STIMATE: variants seen among roughly 807,000 people sequenced by gnomAD.
STIMATE encodes the protein store-operated calcium entry regulator STIMATE.
In STIMATE, 15 loss-of-function variants were observed where a neutral mutation model predicts 36.7. That is an observed-to-expected ratio of 0.41 (90% CI 0.27 to 0.63). STIMATE has a LOEUF of 0.63. STIMATE is among the 20% of genes least tolerant of loss of function. The probability of loss-of-function intolerance (pLI) is 0.32; values close to 1 mark genes in which losing one functional copy is unlikely to be tolerated. For synonymous variants in STIMATE, 163 were observed against 162.3 expected (o/e 1.00, Z -0.03); for missense variants, 305 against 397.3 (o/e 0.77, Z 1.98).
At chr3:52,882,561 GCT>G (rs1701623247) in intron 1 of STIMATE, among the ~76,000 whole-genome samples, 2 of 152,286 alleles carry the variant, frequency 1.3e-5, no homozygotes, top group South Asian at 4.1e-4. Context: ...ACACGCTCAT[GCT>G]CTCTGTTGAC....
chr3:52,883,977 CTA>C (rs1701651033), intron 1 of STIMATE, among the ~76,000 whole-genome samples: 1 of 152,106 alleles, frequency 6.6e-6, no homozygotes, highest in Non-Finnish European at 1.5e-5. Context: ...TTGATTGGGG[CTA>C]TACATCATGA....
chr3:52,875,977 C>T (rs1032195536), intron 1 of STIMATE, among the ~76,000 whole-genome samples: 8 of 152,202 alleles, frequency 5.3e-5, no homozygotes, highest in African/African-American at 1.9e-4. Flanking sequence ...GACATGATCC[C>T]CAACAGCACC....
At chr3:52,876,172 T>C (rs933724476) in intron 1 of STIMATE, among the ~76,000 whole-genome samples, 2 of 152,214 alleles carry the variant, frequency 1.3e-5, no homozygotes, top group South Asian at 2.1e-4. Context: ...AGGAAGTGGA[T>C]AGAATCATCC....
intron 1 of STIMATE, among the ~76,000 whole-genome samples, chr3:52,871,371 G>A (rs1311033438): frequency 6.6e-6 from 1 of 152,058 alleles, no homozygotes; most frequent in Non-Finnish European, 1.5e-5. Context: ...GACTGCTCAC[G>A]ACAGTCAGCA....
At chr3:52,842,082 C>T (rs759015496) in intron 7 of STIMATE, among the ~76,000 whole-genome samples, 2 of 152,240 alleles carry the variant, frequency 1.3e-5, no homozygotes, top group South Asian at 2.1e-4. Flanking sequence ...GGTGTCATGA[C>T]GAAATACTTA....
At chr3:52,851,892 C>A (rs900905189) in intron 3 of STIMATE, among the ~76,000 whole-genome samples, 1 of 152,166 alleles carries the variant, frequency 6.6e-6, no homozygotes, top group East Asian at 1.9e-4. Flanking sequence ...GACTCCTGAG[C>A]GGTGTGAACT....
rs993957693 is a variant in STIMATE, at chr3:52,839,992, T to C, written c.*502A>G. 6.6e-6 allele frequency: 1 copy of C among 152,582 alleles called. No homozygotes were observed. Among genetic ancestry groups the C allele is most frequent in the Non-Finnish European group, 1.5e-5 (1 of 68,008 alleles). The allele number at this position is 152,582 out of a possible 1,614,324, so 9.5% of individuals were successfully genotyped here. On this transcript the variant is annotated 3_prime_UTR_variant, in exon 8 of 8. Transcript: ENST00000355083. ...ACTGTCACAACTCATAAAACCAGCT[T>C]CAGAAATCAATAGTTACAAAAGCCA...
At chr3:52,863,897 T>A (rs1297207060) in intron 1 of STIMATE, among the ~76,000 whole-genome samples, 1 of 152,274 alleles carries the variant, frequency 6.6e-6, no homozygotes, top group African/African-American at 2.4e-5. Flanking sequence ...CAGGTCATGC[T>A]GATTCAAGAG....
chr3:52,859,127 A>G (rs1279611373), intron 1 of STIMATE, among the ~76,000 whole-genome samples: 2 of 151,036 alleles, frequency 1.3e-5, no homozygotes, highest in South Asian at 2.1e-4. Flanking sequence ...GCACCACTGC[A>G]CTCCAGCCTG....
chr3:52,840,555 C>T lies in STIMATE; in HGVS notation c.824G>A (p.Arg275His), dbSNP rs200273687. ...CACAGGCTTGAGGGGGGTCAGTCTG[C>T]GGAGGTCCTCCTCCACGTCGGACTC... ...MEESDVEEDL[R>H]RLTPLKPVKK... The change falls in exon 8 of 8, where the codon CGC becomes CAC. Residue 275 changes from arginine (R) to histidine (H), a missense_variant. Transcript: ENST00000355083. 63 of 1,613,994 alleles carry T rather than the reference C, an allele frequency of 3.9e-5. No homozygotes were observed. The highest frequency in any genetic ancestry group is 1.3e-4 in the Admixed American group (8 of 60,018).
chr3:52,884,124 G>A (rs1367897306), intron 1 of STIMATE, among the ~76,000 whole-genome samples: 1 of 151,992 alleles, frequency 6.6e-6, no homozygotes, highest in African/African-American at 2.4e-5. Context: ...ACAATTCTGA[G>A]GTAAAACTTA....
At chr3:52,873,504 G>A (rs772927245) in intron 1 of STIMATE, among the ~76,000 whole-genome samples, 8 of 152,108 alleles carry the variant, frequency 5.3e-5, no homozygotes, top group Admixed American at 2.0e-4. Context: ...TGCAATTCTC[G>A]GCTCCAGAAC....
intron 1 of STIMATE, among the ~76,000 whole-genome samples, chr3:52,857,433 G>A (rs941630392): frequency 6.6e-6 from 1 of 152,158 alleles, no homozygotes; most frequent in African/African-American, 2.4e-5. Context: ...AAGGAGACAT[G>A]AGAAAACTAG....
chr3:52,856,950 A>G (rs80000360), intron 1 of STIMATE, among the ~76,000 whole-genome samples: 2,394 of 152,346 alleles, frequency 0.016, 71 homozygotes, highest in African/African-American at 0.055. Flanking sequence ...TGCCTGTGTG[A>G]TACTTTCCCA....
chr3:52,896,719 T>C (rs1701870674), intron 1 of STIMATE, among the ~76,000 whole-genome samples: 1 of 151,946 alleles, frequency 6.6e-6, no homozygotes, highest in Non-Finnish European at 1.5e-5. Context: ...GGTCCTACCC[T>C]GACAAAAGGG....
chr3:52,865,335 C>A (rs1407908748), intron 1 of STIMATE, among the ~76,000 whole-genome samples: 2 of 152,176 alleles, frequency 1.3e-5, no homozygotes, highest in Non-Finnish European at 2.9e-5. Flanking sequence ...TGCCTGATAC[C>A]CAGTTTCAAA....
In STIMATE at chr3:52,872,142, C is replaced by T. The variant is rs529533740; in HGVS notation, c.161-16698G>A. ...TTGTCCCATCCCTCAGTCTCATTTC[C>T]CTGCTTGGTTTTCTTCATAGCATTA... On this transcript the variant is annotated intron_variant, in intron 1 of 7. Transcript: ENST00000355083. 1.8e-4 allele frequency among the ~76,000 whole-genome samples: 27 copies of T among 152,192 alleles called. No homozygotes were observed. The South Asian group carries it at 5.2e-3, about 29-fold the overall frequency.
At chr3:52,880,405 A>G (rs1463646097) in intron 1 of STIMATE, among the ~76,000 whole-genome samples, 1 of 152,242 alleles carries the variant, frequency 6.6e-6, no homozygotes, top group African/African-American at 2.4e-5. Flanking sequence ...ATGTACAATT[A>G]TTACATATTC....
chr3:52,895,566 C>A (rs779822658), intron 1 of STIMATE, among the ~76,000 whole-genome samples: 2 of 152,226 alleles, frequency 1.3e-5, no homozygotes, highest in African/African-American at 2.4e-5. Flanking sequence ...CATGTGCTCA[C>A]GCTGAAGATT....
Sources: gnomAD v4.1 joint callset for allele counts (sites outside exome capture counted in the v4.1 genomes callset) on GRCh38, gnomAD v4.1.1 for gene constraint, MANE v1.5 for transcripts, NCBI Gene and HGNC (gene_info 2026-07-23, HGNC 2026-07-21) for gene names.